Variants in PCDH15 observed in about 807,000 individuals in gnomAD.
The protein encoded by PCDH15 is protocadherin-15.
Under a neutral mutation model 178.5 loss-of-function variants are expected in PCDH15, and 129 were observed. That is an observed-to-expected ratio of 0.72 (90% CI 0.63 to 0.84). The LOEUF (loss-of-function observed/expected upper bound fraction) is 0.84. PCDH15 is among the 40% of genes least tolerant of loss of function. PCDH15 has a pLI of 0.00. For missense variants in PCDH15, 2,230 were observed against 2,099.9 expected (o/e 1.06, Z -1.21); for synonymous variants, 800 against 732.0 (o/e 1.09, Z -1.50).
chr10:54,653,757 A>T (rs1280224348), intron 2 of PCDH15, among the ~76,000 whole-genome samples: 1 of 152,202 alleles, frequency 6.6e-6, no homozygotes, highest in Non-Finnish European at 1.5e-5. Context: ...TATGCTTCTC[A>T]AGTTCCTTAA....
intron 27 of PCDH15, among the ~76,000 whole-genome samples, chr10:53,861,712 T>C (rs2079117363): frequency 6.6e-6 from 1 of 152,196 alleles, no homozygotes; most frequent in Non-Finnish European, 1.5e-5. Flanking sequence ...TACATATTTT[T>C]ATCAAAGTCT....
intron 1 of PCDH15, among the ~76,000 whole-genome samples, chr10:55,198,351 G>C (rs1360232454): frequency 6.6e-6 from 1 of 152,100 alleles, no homozygotes; most frequent in Admixed American, 6.5e-5. Context: ...ACTGAATTCA[G>C]GGGGCGGACT....
At chr10:54,822,608 T>A (rs1234139074) in intron 3 of PCDH15, among the ~76,000 whole-genome samples, 5 of 152,160 alleles carry the variant, frequency 3.3e-5, no homozygotes, top group Non-Finnish European at 7.3e-5. Context: ...GGGGTGCAAG[T>A]ATCTTTTCAA....
chr10:54,593,397 C>T (rs11004399), intron 2 of PCDH15, among the ~76,000 whole-genome samples: 2,851 of 152,082 alleles, frequency 0.019, 90 homozygotes, highest in African/African-American at 0.065. Flanking sequence ...ATGTGGATAT[C>T]CAGTTTTCTC....
intron 10 of PCDH15, among the ~76,000 whole-genome samples, chr10:54,211,190 TTTTTA>T (rs1346689066): frequency 6.6e-6 from 1 of 152,014 alleles, no homozygotes; most frequent in Non-Finnish European, 1.5e-5. Context: ...TCACAGGTGG[TTTTTA>T]TTTTATGAGT....
rs149225157 is a variant in PCDH15, at chr10:53,892,321, G to C, written c.3501+10922C>G. On this transcript the variant is annotated intron_variant, in intron 26 of 37. Coordinates refer to ENST00000644397, the MANE Select transcript of PCDH15 (RefSeq NM_001384140.1). ...ATTACAGGCGTGAGCCACTGGGACC[G>C]GCCTCATCGATTTTGAAACATCCAA... 5.4e-3 allele frequency among the ~76,000 whole-genome samples: 821 copies of C among 152,080 alleles called. 9 individuals carry two copies. The highest frequency in any genetic ancestry group is 0.016 in the African/African-American group (659 of 41,506).
At chr10:53,838,192 G>A (rs1448749615) in intron 29 of PCDH15, among the ~76,000 whole-genome samples, 1 of 151,788 alleles carries the variant, frequency 6.6e-6, no homozygotes, top group African/African-American at 2.4e-5. Context: ...AGCCAGGATG[G>A]TCTCGATCTC....
At chr10:53,823,597 C>T (rs888129808) in intron 32 of PCDH15, among the ~76,000 whole-genome samples, 2 of 151,956 alleles carry the variant, frequency 1.3e-5, no homozygotes, top group South Asian at 2.1e-4. Flanking sequence ...GTACTCATCT[C>T]TAGATTATTT....
chr10:55,439,177 A>G (rs952292223), intron 2 of PCDH15, among the ~76,000 whole-genome samples: 4 of 152,104 alleles, frequency 2.6e-5, no homozygotes, highest in Non-Finnish European at 5.9e-5. Flanking sequence ...TATTTTTTCC[A>G]GTCAAAGTAT....
chr10:55,468,282 T>A (rs1040403197), intron 2 of PCDH15: 2 of 152,122 alleles, frequency 1.3e-5, no homozygotes, highest in African/African-American at 4.8e-5. Flanking sequence ...TTGTCGTTGT[T>A]GTTAGGGCAT....
At chr10:53,839,634 G>T (rs2132748620) in intron 29 of PCDH15, among the ~76,000 whole-genome samples, 1 of 151,540 alleles carries the variant, frequency 6.6e-6, no homozygotes, top group South Asian at 2.1e-4. Flanking sequence ...GACCCAGTTG[G>T]ACACTAGGTG....
At chr10:54,022,167 A>C (rs2135309065) in intron 19 of PCDH15, among the ~76,000 whole-genome samples, 1 of 152,076 alleles carries the variant, frequency 6.6e-6, no homozygotes, top group South Asian at 2.1e-4. Context: ...AGTCAGTATT[A>C]AATGAGGTGG....
At chr10:53,920,758 G>A (rs749751390) in intron 25 of PCDH15, among the ~76,000 whole-genome samples, 6 of 152,104 alleles carry the variant, frequency 3.9e-5, no homozygotes, top group Non-Finnish European at 7.4e-5. Flanking sequence ...CCTGGCTTAC[G>A]CTAGTAAAGC....
At chr10:54,556,041 A>G (rs932778181) in intron 2 of PCDH15, among the ~76,000 whole-genome samples, 2 of 151,936 alleles carry the variant, frequency 1.3e-5, no homozygotes, top group Admixed American at 1.3e-4. Context: ...TCCTTGGAAC[A>G]CTCCTATTCT....
chr10:53,875,443 C>A (rs142959201), intron 26 of PCDH15, among the ~76,000 whole-genome samples: 8 of 151,814 alleles, frequency 5.3e-5, no homozygotes, highest in African/African-American at 1.9e-4. Flanking sequence ...ACTGTGGAAA[C>A]GCTAAATGAA....
intron 3 of PCDH15, among the ~76,000 whole-genome samples, chr10:54,842,976 C>T (rs1355373225): frequency 2.0e-5 from 3 of 151,938 alleles, no homozygotes; most frequent in South Asian, 4.1e-4. Context: ...AACTGACTAT[C>T]GGAAAGAACA....
intron 2 of PCDH15, among the ~76,000 whole-genome samples, chr10:54,596,584 G>T (rs998326122): frequency 6.6e-6 from 1 of 152,016 alleles, no homozygotes; most frequent in African/African-American, 2.4e-5. Flanking sequence ...AGGATAACAA[G>T]ATCAAATACA....
In PCDH15 at chr10:54,442,412, G is replaced by T. The variant is rs1463953165; in HGVS notation, c.158-63470C>A. Among the ~76,000 whole-genome samples the T allele has an allele frequency of 2.3e-4, 5 of 21,698 alleles. 1 individual carries two copies. Among genetic ancestry groups the T allele is most frequent in the African/African-American group, 1.1e-3 (5 of 4,520 alleles). The allele number at this position is 21,698 out of a possible 152,430, so 14.2% of individuals were successfully genotyped here. On this transcript the variant is annotated intron_variant, in intron 3 of 37. Transcript: ENST00000644397. ...TTTTAAAAAAAAAAAAGGCCTTAAA[G>T]GCTATATATATATATATATATATAT...
chr10:54,342,491 C>A (rs1166493791), intron 6 of PCDH15, among the ~76,000 whole-genome samples: 1 of 152,296 alleles, frequency 6.6e-6, no homozygotes, highest in Middle Eastern at 3.4e-3. Flanking sequence ...AAAATGCCAG[C>A]ATGTCCAGGC....
Sources: gnomAD v4.1 joint callset for allele counts (sites outside exome capture counted in the v4.1 genomes callset) on GRCh38, gnomAD v4.1.1 for gene constraint, MANE v1.5 for transcripts, NCBI Gene and HGNC (gene_info 2026-07-23, HGNC 2026-07-21) for gene names.